PAK1IP1: variants seen among roughly 807,000 people sequenced by gnomAD.
The protein encoded by PAK1IP1 is p21-activated protein kinase-interacting protein 1.
A neutral mutation model predicts 42.0 loss-of-function variants in PAK1IP1; 24 were observed. The observed-to-expected ratio is 0.57, with a 90% CI of 0.41 to 0.80. PAK1IP1 has a LOEUF of 0.80. Ranked by LOEUF, PAK1IP1 falls within the 30% of genes least tolerant of loss-of-function variation. The pLI, the probability that PAK1IP1 is intolerant of heterozygous loss-of-function variation, is 0.00. For missense variants in PAK1IP1, 411 were observed against 467.9 expected, an observed-to-expected ratio of 0.88 and a Z score of 1.12; for synonymous variants, 154 against 156.7, an observed-to-expected ratio of 0.98 and a Z score of 0.13.
chr6:10,701,157 A>ACCTCCATCT (rs547248944), intron 2 of PAK1IP1, among the ~76,000 whole-genome samples: 156 of 151,624 alleles, frequency 1.0e-3, no homozygotes, highest in Middle Eastern at 3.4e-3. Flanking sequence ...GCTCACTGCA[A>ACCTCCATCT]CCTCCATCTC....
At chr6:10,698,028 G>T (rs1769909512) in intron 2 of PAK1IP1, among the ~76,000 whole-genome samples, 1 of 152,120 alleles carries the variant, frequency 6.6e-6, no homozygotes, top group Non-Finnish European at 1.5e-5. Context: ...TATCTTAAAA[G>T]AGAAATGTCA....
chr6:10,691,274 C>T (rs559611746), upstream of PAK1IP1, among the ~76,000 whole-genome samples: 8 of 152,256 alleles, frequency 5.3e-5, no homozygotes, highest in Admixed American at 3.3e-4. Flanking sequence ...TTTATTCGGC[C>T]GGGATCTTCG....
At chr6:10,708,482 G>A (rs1288899522) in intron 8 of PAK1IP1, among the ~76,000 whole-genome samples, 1 of 151,578 alleles carries the variant, frequency 6.6e-6, no homozygotes, top group East Asian at 1.9e-4. Context: ...GTTATGAATA[G>A]TGCTTCTGTG....
In PAK1IP1 at chr6:10,702,517, T is replaced by G. The variant is rs370357587; in HGVS notation, c.368+28T>G. 30 of 1,613,994 alleles carry G rather than the reference T, an allele frequency of 1.9e-5. No individual in the cohort carries two copies. In the African/African-American group the frequency reaches 3.2e-4, roughly 17 times the overall value. On this transcript the variant is annotated intron_variant, in intron 3 of 9. Transcript: ENST00000379568. The stretch of plus-strand genomic sequence containing the variant: ...GAGTCGGGCTCTTTCCCTTTGGCAT[T>G]CTCGATGTGCCAGTCAAGTTGGGGA...
upstream of PAK1IP1, among the ~76,000 whole-genome samples, chr6:10,691,518 G>A (rs1769305843): frequency 6.6e-6 from 1 of 152,062 alleles, no homozygotes. Flanking sequence ...TAACCGATTA[G>A]GTCAGGGGTC....
At chr6:10,691,731 C>T (rs1769327593), upstream of PAK1IP1, among the ~76,000 whole-genome samples, 1 of 152,088 alleles carries the variant, frequency 6.6e-6, no homozygotes, top group South Asian at 2.1e-4. Context: ...ATTCAAAACC[C>T]CTGAAATTTA....
At chr6:10,692,307 GAC>G (rs1169914597), upstream of PAK1IP1, among the ~76,000 whole-genome samples, 2 of 152,136 alleles carry the variant, frequency 1.3e-5, no homozygotes, top group Non-Finnish European at 2.9e-5. Flanking sequence ...ACGTCCAGAG[GAC>G]ACTTACTTCA....
chr6:10,694,245 A>G (rs567199987), upstream of PAK1IP1, among the ~76,000 whole-genome samples: 12 of 141,652 alleles, frequency 8.5e-5, no homozygotes, highest in East Asian at 1.9e-3. Flanking sequence ...GGGCAAAAAG[A>G]GCGAAACTCC....
intron 2 of PAK1IP1, among the ~76,000 whole-genome samples, chr6:10,700,161 C>T (rs900493162): frequency 2.6e-5 from 4 of 152,152 alleles, no homozygotes; most frequent in African/African-American, 9.6e-5. Flanking sequence ...TGGGTTTAAG[C>T]GATTCTCCTG....
At chr6:10,693,342 T>TC (rs1769525649), upstream of PAK1IP1, among the ~76,000 whole-genome samples, 1 of 152,252 alleles carries the variant, frequency 6.6e-6, no homozygotes, top group Non-Finnish European at 1.5e-5. Context: ...TGCTGAGAGA[T>TC]CTTTTGTCTC....
chr6:10,695,531 G>A (rs1769786801), intron 1 of PAK1IP1, among the ~76,000 whole-genome samples: 1 of 152,234 alleles, frequency 6.6e-6, no homozygotes, highest in Admixed American at 6.5e-5. Context: ...GGGCGGTGGA[G>A]ATGCAAAGAT....
At chr6:10,700,082 G>A (rs1769981417) in intron 2 of PAK1IP1, among the ~76,000 whole-genome samples, 2 of 151,910 alleles carry the variant, frequency 1.3e-5, no homozygotes, top group South Asian at 2.1e-4. Flanking sequence ...GGGGCGGGGG[G>A]GCTTCTCGCT....
At chr6:10,694,792 A>G, upstream of PAK1IP1, 2 of 546,218 alleles carry the variant, frequency 3.7e-6, no homozygotes, top group Non-Finnish European at 6.5e-6. Context: ...CTCTTCTTGG[A>G]AAATCCATGT....
intron 2 of PAK1IP1, among the ~76,000 whole-genome samples, chr6:10,701,018 T>C (rs1391688793): frequency 6.6e-6 from 1 of 152,134 alleles, no homozygotes; most frequent in Non-Finnish European, 1.5e-5. Context: ...GTGTGTGTTG[T>C]TTTTCCCCTG....
At chr6:10,695,741 T>C (rs1157392573) in intron 1 of PAK1IP1, among the ~76,000 whole-genome samples, 1 of 152,218 alleles carries the variant, frequency 6.6e-6, no homozygotes, top group Non-Finnish European at 1.5e-5. Context: ...TCCTAACATC[T>C]AGCTCACTTT....
intron 4 of PAK1IP1, among the ~76,000 whole-genome samples, chr6:10,703,022 G>C (rs1554150777): frequency 6.6e-6 from 1 of 152,006 alleles, no homozygotes; most frequent in Non-Finnish European, 1.5e-5. Flanking sequence ...AGCCAGGATG[G>C]TCTTGATCTC....
rs150098092 is a variant in PAK1IP1, at chr6:10,708,957, T to C, written c.845T>C (p.Val282Ala). 212 of 1,605,036 alleles carry C rather than the reference T, an allele frequency of 1.3e-4. 1 individual carries two copies. In the African/African-American group the frequency reaches 2.4e-3, roughly 18 times the overall value. Residue 282 changes from valine to alanine, a missense_variant, in exon 9 of 10, where the codon GTT (valine) becomes GCT (alanine). Transcript: ENST00000379568. ...KMWKLKQDKK[V>A]PPSLLCEINT... ...ATGTTTGTTTCTTCTGTTTAGAAAG[T>C]TCCCCCATCTTTACTCTGTGAAATA...
rs1352705212 is a variant in PAK1IP1 at position 10,709,315 on chromosome 6, A to G, written c.1042A>G (p.Asn348Asp). 2 of 1,614,022 alleles carry G rather than the reference A, an allele frequency of 1.2e-6. No individual in the cohort carries two copies. Among genetic ancestry groups the G allele is most frequent in the Admixed American group, 1.7e-5 (1 of 59,996 alleles). The change falls in exon 10 of 10, where the codon AAC (asparagine) becomes GAC (aspartate). Residue 348 changes from asparagine (N) to aspartate (D), a missense_variant. By Grantham distance (23) the Asn-to-Asp change is conservative. Coordinates refer to ENST00000379568, the MANE Select transcript of PAK1IP1 (RefSeq NM_017906.3). ...CAAAGAAGAAAAGCGGTCAAAACCTAACACAAAGAAACGCGGTTTAACAGG... is the reference window on the plus strand; with the variant it reads ...CAAAGAAGAAAAGCGGTCAAAACCTGACACAAAGAAACGCGGTTTAACAGG... ...VHKEEKRSKPNTKKRGLTGDS... is the reference protein window; with the variant it reads ...VHKEEKRSKPDTKKRGLTGDS...
At chr6:10,708,877 T>G (rs753850717) in intron 8 of PAK1IP1, 76 bp from the exon 9 acceptor site, 3 of 1,229,252 alleles carry the variant, frequency 2.4e-6, no homozygotes, top group Non-Finnish European at 3.5e-6. Flanking sequence ...CAGGAAGTTT[T>G]AAATTAAGGT....
Sources: gnomAD v4.1 joint callset for allele counts (sites outside exome capture counted in the v4.1 genomes callset) on GRCh38, gnomAD v4.1.1 for gene constraint, MANE v1.5 for transcripts, NCBI Gene and HGNC (gene_info 2026-07-23, HGNC 2026-07-21) for gene names.